The following SPOPL variants were observed in gnomAD, a reference collection of about 807,000 sequenced individuals.
The protein encoded by SPOPL is speckle-type POZ protein-like.
In SPOPL, 23 loss-of-function variants were observed where a neutral mutation model predicts 53.8. The ratio of observed to expected loss-of-function variants is 0.43; its 90% CI spans 0.31 to 0.61. The LOEUF (loss-of-function observed/expected upper bound fraction) is 0.61, where lower values mean the gene tolerates loss of function less well. Among genes scored for constraint, SPOPL ranks in the 20% least tolerant of loss-of-function variants. The probability of loss-of-function intolerance (pLI) is 0.12; values close to 1 mark genes in which losing one functional copy is unlikely to be tolerated. For synonymous variants in SPOPL, 164 were observed against 149.7 expected (o/e 1.10, Z -0.70); for missense variants, 442 against 466.9 (o/e 0.95, Z 0.49).
intron 8 of SPOPL, among the ~76,000 whole-genome samples, chr2:138,563,168 A>G (rs1685587242): frequency 6.6e-6 from 1 of 152,172 alleles, no homozygotes; most frequent in African/African-American, 2.4e-5. Flanking sequence ...TTCTGAAATA[A>G]TGTCTGAAAT....
chr2:138,503,048 A>T (rs1431253300), intron 1 of SPOPL, among the ~76,000 whole-genome samples: 2 of 152,174 alleles, frequency 1.3e-5, no homozygotes, highest in African/African-American at 2.4e-5. Context: ...CTTGCAATTG[A>T]ATCCACTGTT....
intron 4 of SPOPL, among the ~76,000 whole-genome samples, chr2:138,552,094 C>T (rs1205768621): frequency 2.0e-5 from 3 of 151,882 alleles, no homozygotes; most frequent in Non-Finnish European, 4.4e-5. Context: ...ATGGGTATGT[C>T]AGGAAAGCTT....
intron 5 of SPOPL, among the ~76,000 whole-genome samples, chr2:138,556,329 A>G (rs1274669999): frequency 3.3e-5 from 5 of 152,146 alleles, no homozygotes; most frequent in Non-Finnish European, 7.4e-5. Flanking sequence ...TTTTTTGCCA[A>G]ATTTCTACAT....
chr2:138,554,008 C>T (rs1347430901), intron 5 of SPOPL, among the ~76,000 whole-genome samples: 1 of 139,370 alleles, frequency 7.2e-6, no homozygotes, highest in African/African-American at 2.7e-5. Flanking sequence ...CAATTTTTAA[C>T]AAAAACAAAA....
intron 1 of SPOPL, among the ~76,000 whole-genome samples, chr2:138,529,797 A>G (rs918931774): frequency 2.0e-5 from 3 of 152,156 alleles, no homozygotes; most frequent in African/African-American, 7.2e-5. Context: ...TTTATATGTT[A>G]GTCTGAAAAT....
intron 1 of SPOPL, among the ~76,000 whole-genome samples, chr2:138,546,585 G>T (rs1292382105): frequency 2.0e-5 from 3 of 152,120 alleles, no homozygotes; most frequent in Non-Finnish European, 4.4e-5. Context: ...TATTTTCTGT[G>T]CCAGTCCTCA....
chr2:138,525,656 G>GAAAAAAAAAAAAACAAAAAAAA (rs1684655375), intron 1 of SPOPL, among the ~76,000 whole-genome samples: 1 of 30,008 alleles, frequency 3.3e-5, no homozygotes, highest in Non-Finnish European at 9.3e-5. Context: ...ATAAAAAGTA[G>GAAAAAAAAAAAAACAAAAAAAA]AAAAAAAAAA....
intron 1 of SPOPL, among the ~76,000 whole-genome samples, chr2:138,522,629 G>A (rs1412954064): frequency 6.6e-6 from 1 of 151,784 alleles, no homozygotes; most frequent in Non-Finnish European, 1.5e-5. Context: ...TTTCTTGAAG[G>A]TTCAGCTGTT....
chr2:138,512,329 A>G (rs1042233271), intron 1 of SPOPL, among the ~76,000 whole-genome samples: 7 of 152,194 alleles, frequency 4.6e-5, no homozygotes, highest in Non-Finnish European at 5.9e-5. Flanking sequence ...CTGTTATGAC[A>G]TATTTAGTCA....
At chr2:138,563,982 CTGAA>C (rs1685606129) in intron 8 of SPOPL, among the ~76,000 whole-genome samples, 1 of 152,226 alleles carries the variant, frequency 6.6e-6, no homozygotes, top group Admixed American at 6.5e-5. Flanking sequence ...AATAATTATA[CTGAA>C]TGAAGGAGTC....
chr2:138,546,570 GTTA>G (rs1349553338), intron 1 of SPOPL, among the ~76,000 whole-genome samples: 1 of 152,148 alleles, frequency 6.6e-6, no homozygotes, highest in East Asian at 1.9e-4. Context: ...AATTTGGACA[GTTA>G]TTATTTTCTG....
At chr2:138,555,921 G>T (rs528496619) in intron 5 of SPOPL, among the ~76,000 whole-genome samples, 6 of 152,000 alleles carry the variant, frequency 3.9e-5, no homozygotes, top group Non-Finnish European at 8.8e-5. Context: ...TTGACCTCAG[G>T]AAAGAATCTC....
chr2:138,516,068 G>A (rs986665803), intron 1 of SPOPL, among the ~76,000 whole-genome samples: 1 of 152,152 alleles, frequency 6.6e-6, no homozygotes. Context: ...AAAAACAGAA[G>A]TACATGTTTA....
chr2:138,557,873 C>T (rs1178025753), intron 5 of SPOPL, among the ~76,000 whole-genome samples: 1 of 151,986 alleles, frequency 6.6e-6, no homozygotes, highest in Admixed American at 6.6e-5. Context: ...AAAAAGTGGT[C>T]TGCAGCCAGG....
intron 1 of SPOPL, among the ~76,000 whole-genome samples, chr2:138,514,060 TAAAC>T (rs975536319): frequency 5.3e-5 from 8 of 152,196 alleles, no homozygotes; most frequent in African/African-American, 1.9e-4. Context: ...CTTCTTACCT[TAAAC>T]ATACATATAT....
At chr2:138,525,025 T>C (rs11901636) in intron 1 of SPOPL, among the ~76,000 whole-genome samples, 117,078 of 152,056 alleles carry the variant, frequency 0.77, 45,822 homozygotes, top group Middle Eastern at 0.84. Flanking sequence ...TTTTCAGCAG[T>C]GCCCCACTCT....
intron 5 of SPOPL, among the ~76,000 whole-genome samples, chr2:138,555,263 A>G (rs1685399962): frequency 6.6e-6 from 1 of 152,086 alleles, no homozygotes; most frequent in African/African-American, 2.4e-5. Flanking sequence ...TACCTCTGAA[A>G]GGTCTCACCT....
chr2:138,538,800 A>G (rs1032707334), intron 1 of SPOPL, among the ~76,000 whole-genome samples: 2 of 151,300 alleles, frequency 1.3e-5, no homozygotes, highest in Admixed American at 1.3e-4. Context: ...CACAACGTGC[A>G]GGTTAGTTAC....
chr2:138,552,739 AT>A, intron 5 of SPOPL, 58 bp downstream of exon 5: 1 of 1,536,066 alleles, frequency 6.5e-7, no homozygotes. Flanking sequence ...TGGCAAAAGT[AT>A]AAACTGGATT....
Sources: allele counts gnomAD v4.1 joint callset (sites outside exome capture counted in the v4.1 genomes callset), GRCh38; gene constraint gnomAD v4.1.1; transcripts MANE v1.5; gene names NCBI Gene and HGNC (gene_info 2026-07-23, HGNC 2026-07-21).